Variants in MTMR7 observed in about 807,000 individuals in gnomAD.
The protein encoded by MTMR7 is myotubularin related protein 7.
Under a neutral mutation model 81.2 loss-of-function variants are expected in MTMR7, and 76 were observed. The ratio of observed to expected loss-of-function variants is 0.94; its 90% CI spans 0.78 to 1.13. MTMR7 has a LOEUF of 1.13. Ranked by LOEUF, MTMR7 falls within the 50% of genes most tolerant of loss-of-function variation. The probability of loss-of-function intolerance (pLI) is 0.00; values close to 1 mark genes in which losing one functional copy is unlikely to be tolerated. For missense variants in MTMR7, 1,044 were observed against 820.0 expected, an observed-to-expected ratio of 1.27 and a Z score of -3.34; for synonymous variants, 372 against 289.8, an observed-to-expected ratio of 1.28 and a Z score of -2.88.
At chr8:17,397,955 T>A (rs1009466106) in intron 1 of MTMR7, among the ~76,000 whole-genome samples, 2 of 152,198 alleles carry the variant, frequency 1.3e-5, no homozygotes, top group Non-Finnish European at 2.9e-5. Flanking sequence ...CTTCAGGATC[T>A]TATATAAAAC....
Position 17,299,274 on chromosome 8 carries a change from C to A in MTMR7, c.*588G>T, listed in dbSNP as rs1316711531. On this transcript the variant is annotated 3_prime_UTR_variant, in exon 14 of 14. Coordinates refer to ENST00000180173, the MANE Select transcript of MTMR7 (RefSeq NM_004686.5). Reference sequence around the variant, plus strand: ...GAGAAAAGCAACAAAATTATTCTCACAATTCAAAATATATGCTCCAAGGAA... The same window carrying A: ...GAGAAAAGCAACAAAATTATTCTCAAAATTCAAAATATATGCTCCAAGGAA... 1 of 152,172 alleles carries A rather than the reference C, an allele frequency of 6.6e-6. No homozygotes were observed. Among genetic ancestry groups the A allele is most frequent in the Non-Finnish European group, 1.5e-5 (1 of 68,078 alleles). The allele number at this position is 152,172 out of a possible 1,614,324, so 9.4% of individuals were successfully genotyped here.
At chr8:17,377,927 C>T (rs1387238903) in intron 1 of MTMR7, among the ~76,000 whole-genome samples, 1 of 152,086 alleles carries the variant, frequency 6.6e-6, no homozygotes, top group Non-Finnish European at 1.5e-5. Context: ...GGGATAGAAA[C>T]TTTATTGAGA....
At chr8:17,328,285 T>C (rs369228426) in intron 7 of MTMR7, among the ~76,000 whole-genome samples, 4 of 152,100 alleles carry the variant, frequency 2.6e-5, no homozygotes, top group Non-Finnish European at 5.9e-5. Flanking sequence ...AGTAACTCCA[T>C]ACACCTTTCC....
rs1440614444 is a variant in MTMR7 at position 17,341,456 on chromosome 8, A to G, written c.639T>C (p.Ser213=). 6.2e-7 allele frequency: 1 copy of G among 1,614,008 alleles called. No homozygotes were observed. The highest frequency in any genetic ancestry group is 1.3e-5 in the African/African-American group (1 of 74,932). ...TCTGCTCGTCCTCTAGGCACCGGGC[A>G]CTGAAGCCGGACAGGGGCTGGCTGC... ...CRSSQPLSGF[S]ARCLEDEQML... is the part of the protein sequence containing the mutation. The change falls in exon 6 of 14, where the codon AGT becomes AGC. Residue 213 remains serine (S), a synonymous_variant. Transcript: ENST00000180173.
chr8:17,375,478 A>ATGTT (rs1554516465), intron 1 of MTMR7, among the ~76,000 whole-genome samples: 1 of 130,810 alleles, frequency 7.6e-6, no homozygotes, highest in Admixed American at 7.9e-5. Context: ...CTACTAGCTT[A>ATGTT]TGTTTTTTTT....
intron 7 of MTMR7, among the ~76,000 whole-genome samples, chr8:17,320,182 G>C (rs1167150469): frequency 6.6e-6 from 1 of 151,690 alleles, no homozygotes; most frequent in Non-Finnish European, 1.5e-5. Flanking sequence ...CTTTTAATGT[G>C]GCCACCAGAA....
At chr8:17,375,603 G>C (rs1006122000) in intron 1 of MTMR7, among the ~76,000 whole-genome samples, 1 of 151,502 alleles carries the variant, frequency 6.6e-6, no homozygotes. Flanking sequence ...CTTTGCTACT[G>C]GGTGATCAGC....
rs1819538851 is a variant in MTMR7, at chr8:17,345,923, T to G, written c.597+3030A>C. On this transcript the variant is annotated intron_variant, in intron 5 of 13. Coordinates refer to ENST00000180173, the MANE Select transcript of MTMR7 (RefSeq NM_004686.5). ...ATCCTTATTCATAAGCATAAATTCT[T>G]TGGGGGTAGGAATACATACTCTTTA... 2.0e-5 allele frequency: 3 copies of G among 152,314 alleles called. 1 individual carries two copies. Among genetic ancestry groups the G allele is most frequent in the African/African-American group, 7.2e-5 (3 of 41,578 alleles). 9.4% of individuals were successfully genotyped at this position (152,314 alleles called of 1,614,324 possible).
At chr8:17,343,015 G>A (rs1479358561) in intron 5 of MTMR7, among the ~76,000 whole-genome samples, 1 of 152,084 alleles carries the variant, frequency 6.6e-6, no homozygotes, top group East Asian at 1.9e-4. Flanking sequence ...GGCTTTCACA[G>A]GGGTCCTGTT....
At position 17,403,998 on chromosome 8, in the gene MTMR7, A is replaced by G. The variant is rs145923353; in HGVS notation, c.24+9271T>C. On this transcript the variant is annotated intron_variant, in intron 1 of 13. Transcript: ENST00000180173. ...GAGTCTTTAGGTTTTTCCAAATATA[A>G]GATCATATCATCTGCAAACAAGGAT... 7.6e-3 allele frequency among the ~76,000 whole-genome samples: 1,162 copies of G among 152,288 alleles called. 29 individuals are homozygous for G. The highest frequency in any genetic ancestry group is 0.027 in the African/African-American group (1,111 of 41,564).
At position 17,309,324 on chromosome 8, in the gene MTMR7, T is replaced by A. The variant is rs185932801; in HGVS notation, c.1104A>T (p.Val368=). 6.4e-6 allele frequency: 10 copies of A among 1,558,768 alleles called. No homozygotes were observed. In the Admixed American group the frequency reaches 1.7e-4, roughly 26 times the overall value. ...AGGAAATCCAGTCCTTTTCAATTAA[T>A]ACCTACACAAGAAAGAATACAAATA... ...PHYRTLKGFM[V]LIEKDWISFG... The change falls in exon 10 of 14, where the codon GTA becomes GTT. Residue 368 remains valine (V), a splice_region_variant and synonymous_variant. Coordinates refer to ENST00000180173, the MANE Select transcript of MTMR7 (RefSeq NM_004686.5).
At chr8:17,355,481 C>CATATTATAAAAG in intron 4 of MTMR7, among the ~76,000 whole-genome samples, 1 of 151,494 alleles carries the variant, frequency 6.6e-6, no homozygotes, top group Non-Finnish European at 1.5e-5. Flanking sequence ...ATTATAAAGC[C>CATATTATAAAAG]ATAATAATCA....
In MTMR7 at chr8:17,354,218, G is replaced by A. The variant is rs538037080; in HGVS notation, c.469-5137C>T. Among the ~76,000 whole-genome samples, 476 of 152,246 alleles carry A rather than the reference G, an allele frequency of 3.1e-3. 1 individual carries two copies. Among genetic ancestry groups the A allele is most frequent in the African/African-American group, 0.011 (459 of 41,550 alleles). ...TTTCAAGGAATTTATGATGAACAGG[G>A]AGAAGGAGGAGGTTATGAACAGGAT... is the stretch of plus-strand genomic sequence containing the variant. On this transcript the variant is annotated intron_variant, in intron 4 of 13. Transcript: ENST00000180173.
intron 7 of MTMR7, among the ~76,000 whole-genome samples, chr8:17,317,240 C>A (rs1318219171): frequency 1.3e-5 from 2 of 152,202 alleles, no homozygotes; most frequent in Admixed American, 6.5e-5. Context: ...AGGATGCTGG[C>A]TGGCAGTGCC....
In MTMR7 at chr8:17,371,032, C is replaced by T. The variant is rs1403325730; in HGVS notation, c.310+5G>A. The T allele has an allele frequency of 2.5e-6, 4 of 1,610,652 alleles. No homozygotes were observed. Among genetic ancestry groups the T allele is most frequent in the Non-Finnish European group, 3.4e-6 (4 of 1,178,534 alleles). Reference sequence around the variant, plus strand: ...CATATTAAATGCCGAGTTCCTCTGCCCTACCTGGCCTTGCAAGGCGTATCA... The same window carrying T: ...CATATTAAATGCCGAGTTCCTCTGCTCTACCTGGCCTTGCAAGGCGTATCA... On this transcript the variant is annotated splice_donor_5th_base_variant and intron_variant, in intron 3 of 13. Transcript: ENST00000180173.
At chr8:17,391,134 C>T (rs181768701) in intron 1 of MTMR7, among the ~76,000 whole-genome samples, 2 of 152,170 alleles carry the variant, frequency 1.3e-5, no homozygotes, top group Admixed American at 6.5e-5. Context: ...TCTACGAGGA[C>T]GTGAGGACTT....
chr8:17,359,471 T>C (rs923276785), intron 4 of MTMR7, among the ~76,000 whole-genome samples: 9 of 151,674 alleles, frequency 5.9e-5, no homozygotes, highest in Non-Finnish European at 1.2e-4. Flanking sequence ...TGGTAGCATG[T>C]GCCTGTAATC....
At chr8:17,307,829 C>T (rs958708949) in intron 10 of MTMR7, among the ~76,000 whole-genome samples, 2 of 149,332 alleles carry the variant, frequency 1.3e-5, no homozygotes, top group Admixed American at 6.8e-5. Flanking sequence ...TAGGTGGGAA[C>T]TGAACAATGA....
At chr8:17,380,716 G>C (rs1820731153) in intron 1 of MTMR7, among the ~76,000 whole-genome samples, 1 of 152,144 alleles carries the variant, frequency 6.6e-6, no homozygotes, top group East Asian at 1.9e-4. Flanking sequence ...CTTCACCATG[G>C]CTGTGGTGAG....
Sources: allele counts gnomAD v4.1 joint callset (sites outside exome capture counted in the v4.1 genomes callset), GRCh38; gene constraint gnomAD v4.1.1; transcripts MANE v1.5; gene names NCBI Gene and HGNC (gene_info 2026-07-23, HGNC 2026-07-21).